Variants in NEDD4 observed in about 807,000 individuals in gnomAD.
The protein encoded by NEDD4 is E3 ubiquitin-protein ligase NEDD4.
NEDD4 carries 99 observed loss-of-function variants against 144.9 expected under a neutral mutation model. The ratio of observed to expected loss-of-function variants is 0.68; its 90% CI spans 0.58 to 0.81. NEDD4 has a LOEUF of 0.81. Ranked by LOEUF, NEDD4 falls within the 30% of genes least tolerant of loss-of-function variation. NEDD4 has a pLI of 0.00. For synonymous variants in NEDD4, 318 were observed against 350.6 expected, an observed-to-expected ratio of 0.91 and a Z score of 1.04; for missense variants, 985 against 1,065.9, an observed-to-expected ratio of 0.92 and a Z score of 1.06.
At chr15:55,845,351 G>T (rs1372179750) in intron 18 of NEDD4, among the ~76,000 whole-genome samples, 9 of 152,028 alleles carry the variant, frequency 5.9e-5, no homozygotes, top group African/African-American at 2.2e-4. Context: ...ATAACCATGG[G>T]ACTTGATCAC....
chr15:55,838,089 T>A lies in NEDD4; in HGVS notation c.2201+18A>T. ...ACAAAATTATATCCAATAAAATACA[T>A]ACTAATAAAATACTTACTAAATATA... On this transcript the variant is annotated intron_variant, in intron 23 of 28. Coordinates refer to ENST00000435532, the MANE Select transcript of NEDD4 (RefSeq NM_006154.4). 1 of 1,320,998 alleles carries A rather than the reference T, an allele frequency of 7.6e-7. No individual in the cohort carries two copies. The highest frequency in any genetic ancestry group is 1.1e-6 in the Non-Finnish European group (1 of 946,346). The allele number at this position is 1,320,998 out of a possible 1,614,324, so 81.8% of individuals were successfully genotyped here.
At chr15:55,987,953 C>A (rs77184015) in intron 1 of NEDD4, 1 of 143,810 alleles carries the variant, frequency 7.0e-6, no homozygotes, top group Non-Finnish European at 1.5e-5. Context: ...CTTGGCGATG[C>A]GGGCTCTTTT....
chr15:55,872,468 A>G lies in NEDD4; in HGVS notation c.351T>C (p.Asn117=). ...ATGTATATGGTCTCTCCAATCTTGGATTTTCTGTCTAGAATAAAATAGTGG... is the reference window on the plus strand; with the variant it reads ...ATGTATATGGTCTCTCCAATCTTGGGTTTTCTGTCTAGAATAAAATAGTGG... ...DVPLYPLPTE[N]PRLERPYTFK... is the part of the protein sequence containing the mutation. The change falls in exon 7 of 29, where the codon AAT becomes AAC. Residue 117 remains asparagine (N), a synonymous_variant. Transcript: ENST00000435532. 4 of 1,445,898 alleles carry G rather than the reference A, an allele frequency of 2.8e-6. No individual in the cohort carries two copies. In the South Asian group the frequency reaches 5.7e-5, roughly 20 times the overall value. The allele number at this position is 1,445,898 out of a possible 1,614,324, so 89.6% of individuals were successfully genotyped here. A position where few individuals can be genotyped will look rare whatever the true frequency, so the allele number is the denominator to read the frequency against.
At chr15:55,882,620 A>G (rs2035234572) in intron 5 of NEDD4, among the ~76,000 whole-genome samples, 1 of 152,182 alleles carries the variant, frequency 6.6e-6, no homozygotes. Flanking sequence ...TTCCTAGTTA[A>G]GTCCTAGTTC....
At chr15:55,933,047 T>A (rs1384815061) in intron 4 of NEDD4, among the ~76,000 whole-genome samples, 3 of 152,152 alleles carry the variant, frequency 2.0e-5, no homozygotes, top group Admixed American at 2.0e-4. Flanking sequence ...CTGGAGAGGA[T>A]ATGGAGAAAT....
At chr15:55,932,107 A>C (rs1445379207) in intron 4 of NEDD4, among the ~76,000 whole-genome samples, 4 of 151,960 alleles carry the variant, frequency 2.6e-5, no homozygotes, top group Non-Finnish European at 5.9e-5. Flanking sequence ...AGTGGGAGGG[A>C]CCTGGTGGGA....
intron 1 of NEDD4, among the ~76,000 whole-genome samples, chr15:55,982,562 A>G (rs1241855263): frequency 1.3e-5 from 2 of 152,216 alleles, no homozygotes; most frequent in African/African-American, 4.8e-5. Context: ...TGGTGACAAA[A>G]GGCTGCCTAT....
chr15:55,835,770 CT>C (rs1361536201), intron 24 of NEDD4, among the ~76,000 whole-genome samples: 1 of 152,212 alleles, frequency 6.6e-6, no homozygotes, highest in Non-Finnish European at 1.5e-5. Flanking sequence ...TACTGTAGCA[CT>C]TTCCCAACTC....
Position 55,941,840 on chromosome 15 carries a change from G to A in NEDD4, c.237+9536C>T, listed in dbSNP as rs962113529. On this transcript the variant is annotated intron_variant, in intron 4 of 28. Transcript: ENST00000435532. ...TGCCTGCATCGGCTTCCCAAAGTGC[G>A]AGGATTATAGGCGTGAGCCATTGCG... is the stretch of plus-strand genomic sequence containing the variant. 9.2e-5 allele frequency among the ~76,000 whole-genome samples: 14 copies of A among 152,136 alleles called. 1 individual carries two copies. Among genetic ancestry groups the A allele is most frequent in the Non-Finnish European group, 1.5e-4 (10 of 68,028 alleles).
At chr15:55,965,794 T>A (rs1279788956) in intron 2 of NEDD4, among the ~76,000 whole-genome samples, 2 of 152,012 alleles carry the variant, frequency 1.3e-5, no homozygotes, top group Non-Finnish European at 2.9e-5. Context: ...CTCCGCCTCC[T>A]GGGTTCAAGC....
chr15:55,988,413 A>G (rs1339911033), intron 1 of NEDD4, among the ~76,000 whole-genome samples: 2 of 132,970 alleles, frequency 1.5e-5, no homozygotes, highest in African/African-American at 5.9e-5. Context: ...AGCATGGCAC[A>G]TGTATACATA....
chr15:55,886,701 T>C (rs1308797762), intron 5 of NEDD4, among the ~76,000 whole-genome samples: 1 of 149,742 alleles, frequency 6.7e-6, no homozygotes, highest in Non-Finnish European at 1.5e-5. Flanking sequence ...GAGGTTGCAG[T>C]GTGCCAAGGT....
intron 19 of NEDD4, among the ~76,000 whole-genome samples, chr15:55,841,075 A>G (rs2033481248): frequency 6.6e-6 from 1 of 152,128 alleles, no homozygotes. Flanking sequence ...CTGGAATTAC[A>G]GGCGCCCGCC....
chr15:55,837,993 G>A (rs2033290804), intron 23 of NEDD4, 114 bp downstream of exon 23: 5 of 913,896 alleles, frequency 5.5e-6, no homozygotes, highest in Admixed American at 2.5e-5. Flanking sequence ...TTGTGATAGA[G>A]AAAAAGAACA....
rs368466032 is a variant in NEDD4, at chr15:55,980,602, CAGT to C, written c.45+12906_45+12908del. 2.6e-4 allele frequency among the ~76,000 whole-genome samples: 39 copies of C among 152,210 alleles called. No individual in the cohort carries two copies. In the East Asian group the frequency reaches 7.3e-3, roughly 29 times the overall value. On this transcript the variant is annotated intron_variant, in intron 1 of 28. Transcript: ENST00000435532. ...AGAAGAAAACAAGAAATTAAAGAAA[CAGT>C]AGATTCAACACAGAAAAGAGATCGA...
At chr15:55,953,838 A>G (rs779323018) in intron 2 of NEDD4, among the ~76,000 whole-genome samples, 3 of 152,278 alleles carry the variant, frequency 2.0e-5, no homozygotes, top group Non-Finnish European at 2.9e-5. Flanking sequence ...CTCCTGCCTC[A>G]GCCTCCTGAG....
chr15:55,870,101 T>A (rs2034729675), intron 7 of NEDD4, among the ~76,000 whole-genome samples: 1 of 152,082 alleles, frequency 6.6e-6, no homozygotes, highest in Non-Finnish European at 1.5e-5. Flanking sequence ...ATTGCAGTAG[T>A]TGAGTTTGGC....
At chr15:55,890,168 G>C (rs560724126) in intron 5 of NEDD4, among the ~76,000 whole-genome samples, 1 of 152,054 alleles carries the variant, frequency 6.6e-6, no homozygotes, top group Non-Finnish European at 1.5e-5. Context: ...TACCTACTAT[G>C]TACCCACAAA....
chr15:55,830,410 G>A, intron 28 of NEDD4, 104 bp downstream of exon 28: 1 of 1,005,420 alleles, frequency 9.9e-7, no homozygotes, highest in Non-Finnish European at 1.6e-6. Context: ...ATCCATACCT[G>A]CCACCGACAT....
Sources: allele counts gnomAD v4.1 joint callset (sites outside exome capture counted in the v4.1 genomes callset), GRCh38; gene constraint gnomAD v4.1.1; transcripts MANE v1.5; gene names NCBI Gene and HGNC (gene_info 2026-07-23, HGNC 2026-07-21).